The following DST variants were observed in gnomAD, a reference collection of about 807,000 sequenced individuals.
The protein encoded by DST is dystonin.
Under a neutral mutation model 875.2 loss-of-function variants are expected in DST, and 253 were observed. The observed-to-expected ratio is 0.29, with a 90% confidence interval of 0.26 to 0.32. DST has a LOEUF of 0.32. Ranked by LOEUF, DST falls within the 10% of genes least tolerant of loss-of-function variation. The probability of loss-of-function intolerance (pLI) is 1.00; values close to 1 mark genes in which losing one functional copy is unlikely to be tolerated. For synonymous variants in DST, 3,124 were observed against 3,197.1 expected (o/e 0.98, Z 0.77); for missense variants, 8,287 against 9,111.6 (o/e 0.91, Z 3.68).
chr6:56,728,431 T>C (rs1336816977), intron 5 of DST, among the ~76,000 whole-genome samples: 1 of 152,178 alleles, frequency 6.6e-6, no homozygotes, highest in African/African-American at 2.4e-5. Flanking sequence ...TGGCAGGACA[T>C]GGTGGCTCAC....
intron 3 of DST, among the ~76,000 whole-genome samples, chr6:56,861,291 G>A (rs1323311103): frequency 6.6e-6 from 1 of 152,168 alleles, no homozygotes; most frequent in Non-Finnish European, 1.5e-5. Flanking sequence ...AGGAAAGCAG[G>A]GCTGTTCCAT....
intron 4 of DST, among the ~76,000 whole-genome samples, chr6:56,763,185 G>T (rs576904300): frequency 1.5e-4 from 23 of 152,040 alleles, no homozygotes; most frequent in Admixed American, 7.9e-4. Context: ...TTTTCTCCTT[G>T]TTTACCTCAG....
At chr6:56,845,160 A>G (rs1206132451) in intron 4 of DST, among the ~76,000 whole-genome samples, 2 of 152,232 alleles carry the variant, frequency 1.3e-5, no homozygotes, top group Non-Finnish European at 2.9e-5. Flanking sequence ...TGCTATTATT[A>G]GATAAATCAG....
At chr6:56,515,360 TGTAA>T in intron 72 of DST, 86 bp downstream of exon 72, 1 of 1,407,858 alleles carries the variant, frequency 7.1e-7, no homozygotes. Flanking sequence ...GCCTTAATCA[TGTAA>T]GTGTTTAACT....
chr6:56,943,685 G>A lies in DST; in HGVS notation c.216+10100C>T, dbSNP rs577308602. 5.3e-5 allele frequency among the ~76,000 whole-genome samples: 8 copies of A among 151,530 alleles called. No homozygotes were observed. In the East Asian group the frequency reaches 9.8e-4, roughly 18 times the overall value. ...CAACCTCAGGTGATTTGCCCTCCTCGGCCTCCCAAAGTGCTGGGATTACAG... is the reference window on the plus strand; with the variant it reads ...CAACCTCAGGTGATTTGCCCTCCTCAGCCTCCCAAAGTGCTGGGATTACAG... On this transcript the variant is annotated intron_variant, in intron 2 of 103. Transcript: ENST00000680361.
chr6:56,834,854 C>T (rs376545881), intron 4 of DST, among the ~76,000 whole-genome samples: 10 of 152,164 alleles, frequency 6.6e-5, no homozygotes, highest in Admixed American at 3.3e-4. Flanking sequence ...TACTCCTTTA[C>T]ACAAATGACT....
intron 85 of DST, among the ~76,000 whole-genome samples, chr6:56,491,836 C>G (rs973517138): frequency 2.0e-5 from 3 of 152,082 alleles, no homozygotes; most frequent in Admixed American, 1.3e-4. Context: ...GGCTTAGGAA[C>G]TAAACAAAAG....
chr6:56,482,090 T>G lies in DST; in HGVS notation c.21491A>C (p.Asp7164Ala). The change falls in exon 90 of 104, where the codon GAT becomes GCT. Residue 7164 changes from aspartate (D) to alanine (A), a missense_variant. By Grantham distance (126) the Asp-to-Ala change is moderately radical. Transcript: ENST00000680361. Reference sequence around the variant, plus strand: ...GAGAGTCCGGAGAGCATCCTCATCATCTGGGAGGACACCATGGAAACGCAG... The same window carrying G: ...GAGAGTCCGGAGAGCATCCTCATCAGCTGGGAGGACACCATGGAAACGCAG... ...QTLRFHGVLP[D>A]DEDALRTLID... 1 of 1,613,842 alleles carries G rather than the reference T, an allele frequency of 6.2e-7. No homozygotes were observed. The highest frequency in any genetic ancestry group is 8.5e-7 in the Non-Finnish European group (1 of 1,179,828).
At chr6:56,515,792 T>A (rs2096575145) in intron 71 of DST, 124 bp from the exon 72 acceptor site, 2 of 656,632 alleles carry the variant, frequency 3.0e-6, no homozygotes, top group African/African-American at 3.6e-5. Context: ...GTTAAATGAA[T>A]ACATCAGTAA....
chr6:56,881,513 T>C (rs1229555323), intron 3 of DST, among the ~76,000 whole-genome samples: 1 of 151,678 alleles, frequency 6.6e-6, no homozygotes, highest in Non-Finnish European at 1.5e-5. Context: ...CAAGTGAAAA[T>C]TAGAATATAA....
chr6:56,903,201 T>A (rs1794918276), intron 2 of DST, among the ~76,000 whole-genome samples: 1 of 152,116 alleles, frequency 6.6e-6, no homozygotes, highest in South Asian at 2.1e-4. Flanking sequence ...GAATGTAGAT[T>A]CTCTTATGAG....
chr6:56,638,488 CA>C (rs2098846531), intron 22 of DST, among the ~76,000 whole-genome samples: 1 of 152,136 alleles, frequency 6.6e-6, no homozygotes, highest in Non-Finnish European at 1.5e-5. Context: ...GAGTTTGAAG[CA>C]TGACAACTTT....
At chr6:56,745,827 T>C (rs2099570705) in intron 4 of DST, among the ~76,000 whole-genome samples, 1 of 152,052 alleles carries the variant, frequency 6.6e-6, no homozygotes, top group Non-Finnish European at 1.5e-5. Context: ...CCAACAAAAA[T>C]ATGGGGTAAT....
intron 96 of DST, 34 bp from the exon 97 acceptor site, chr6:56,469,991 T>A: frequency 6.2e-7 from 1 of 1,604,132 alleles, no homozygotes; most frequent in Non-Finnish European, 8.5e-7. Flanking sequence ...TTTACTTTAA[T>A]GTCAATATTA....
chr6:56,809,242 C>T (rs1486651386), intron 4 of DST, among the ~76,000 whole-genome samples: 1 of 152,172 alleles, frequency 6.6e-6, no homozygotes, highest in Non-Finnish European at 1.5e-5. Flanking sequence ...AAGTCAATCT[C>T]ATCAGTCACA....
chr6:56,552,745 G>C lies in DST; in HGVS notation c.16047C>G (p.Thr5349=), dbSNP rs370841140. The change falls in exon 61 of 104, where the codon ACC becomes ACG. Residue 5349 remains threonine, a synonymous_variant. Transcript: ENST00000680361. ...LVVEASDSKG[T]SDVLLQVETI... is the part of the protein sequence containing the mutation. ...TTTCCACTTGTAATAAAACATCAGAGGTTCCCTTTGAGTCTGAGGCCTCTA... is the reference window on the plus strand; with the variant it reads ...TTTCCACTTGTAATAAAACATCAGACGTTCCCTTTGAGTCTGAGGCCTCTA... 544 of 1,611,370 alleles carry C rather than the reference G, an allele frequency of 3.4e-4. No homozygotes were observed. Among genetic ancestry groups the C allele is most frequent in the Non-Finnish European group, 3.9e-4 (464 of 1,179,838 alleles).
intron 10 of DST, 156 bp downstream of exon 10, chr6:56,670,485 C>G: frequency 1.7e-6 from 1 of 574,006 alleles, no homozygotes; most frequent in Non-Finnish European, 2.8e-6. Flanking sequence ...AGGCATGGGC[C>G]ACTGCACCTG....
chr6:56,912,321 T>C (rs529981861), intron 2 of DST, among the ~76,000 whole-genome samples: 4 of 152,332 alleles, frequency 2.6e-5, no homozygotes, highest in Admixed American at 6.5e-5. Flanking sequence ...ACCAGCCACA[T>C]ATTTTTATTT....
At chr6:56,661,112 C>T (rs1258155376) in intron 10 of DST, among the ~76,000 whole-genome samples, 2 of 151,820 alleles carry the variant, frequency 1.3e-5, no homozygotes, top group African/African-American at 4.9e-5. Context: ...TTTAAGTAAA[C>T]TTTAGTGACT....
Sources: gnomAD v4.1 joint callset for allele counts (sites outside exome capture counted in the v4.1 genomes callset) on GRCh38, gnomAD v4.1.1 for gene constraint, MANE v1.5 for transcripts, NCBI Gene and HGNC (gene_info 2026-07-23, HGNC 2026-07-21) for gene names.